The following PTPA variants were observed in gnomAD, a reference collection of about 807,000 sequenced individuals.
The protein encoded by PTPA is protein phosphatase 2 phosphatase activator, also known as serine/threonine-protein phosphatase 2A activator.
In PTPA, 13 loss-of-function variants were observed where a neutral mutation model predicts 43.6. The observed-to-expected ratio is 0.30, with a 90% CI of 0.19 to 0.47. PTPA has a LOEUF of 0.47. Ranked by LOEUF, PTPA falls within the 20% of genes least tolerant of loss-of-function variation. PTPA has a pLI of 0.99. For missense variants in PTPA, 329 were observed against 411.9 expected (o/e 0.80, Z 1.74); for synonymous variants, 172 against 158.2 (o/e 1.09, Z -0.66).
intron 5 of PTPA, among the ~76,000 whole-genome samples, chr9:129,132,091 GCT>G (rs1850016739): frequency 6.6e-6 from 1 of 152,110 alleles, no homozygotes; most frequent in Non-Finnish European, 1.5e-5. Flanking sequence ...CATTCTCTGT[GCT>G]ATTGGGCTGT....
At chr9:129,128,186 A>G (rs1849706513) in intron 3 of PTPA, 1 of 491,618 alleles carries the variant, frequency 2.0e-6, no homozygotes, top group African/African-American at 2.0e-5. Flanking sequence ...ATCCAGGCCC[A>G]CCATGCTAAA....
In PTPA at chr9:129,142,463, G is replaced by T. The variant is rs1850948729; in HGVS notation, c.805G>T (p.Ala269Ser). 1 of 1,592,392 alleles carries T rather than the reference G, an allele frequency of 6.3e-7. No individual in the cohort carries two copies. Residue 269 changes from alanine to serine, a missense_variant, in exon 9 of 10, where the codon GCA becomes TCA. Physicochemically the swap from Ala to Ser is moderately conservative, Grantham distance 99. Transcript: ENST00000393370. ...TTTTCAGATGAAGACTGGCCCATTTGCAGAGCACTCCAACCAGCTGTGGAA... is the reference window on the plus strand; with the variant it reads ...TTTTCAGATGAAGACTGGCCCATTTTCAGAGCACTCCAACCAGCTGTGGAA... ...FITEMKTGPFAEHSNQLWNIS... is the reference protein window; with the variant it reads ...FITEMKTGPFSEHSNQLWNIS...
intron 1 of PTPA, among the ~76,000 whole-genome samples, chr9:129,113,744 A>G (rs973800877): frequency 2.0e-5 from 3 of 152,018 alleles, no homozygotes; most frequent in Non-Finnish European, 4.4e-5. Context: ...CACTCCAGCC[A>G]CTGCACCCCA....
At chr9:129,143,432 G>C in intron 9 of PTPA, 2 of 702,934 alleles carry the variant, frequency 2.8e-6, no homozygotes, top group Non-Finnish European at 2.6e-6. Context: ...ACCATCTCTT[G>C]ACTCCTGGCC....
intron 6 of PTPA, 100 bp downstream of exon 6, chr9:129,134,994 C>T (rs1410276188): frequency 1.1e-6 from 1 of 948,966 alleles, no homozygotes; most frequent in East Asian, 2.4e-5. Flanking sequence ...TCCTGAGTAG[C>T]TCATGGTTCT....
At chr9:129,145,289 C>G (rs1398707502) in intron 9 of PTPA, among the ~76,000 whole-genome samples, 3 of 151,800 alleles carry the variant, frequency 2.0e-5, no homozygotes, top group Admixed American at 6.6e-5. Flanking sequence ...CGAGATCATG[C>G]CACTGCACTC....
At chr9:129,134,748 G>A (rs1455544917) in intron 5 of PTPA, 47 bp from the exon 6 acceptor site, 1 of 1,484,850 alleles carries the variant, frequency 6.7e-7, no homozygotes, top group South Asian at 1.2e-5. Context: ...AACAATCCCA[G>A]TCCTTTACCT....
At chr9:129,112,280 A>G (rs1363314473) in intron 1 of PTPA, among the ~76,000 whole-genome samples, 1 of 152,184 alleles carries the variant, frequency 6.6e-6, no homozygotes, top group African/African-American at 2.4e-5. Flanking sequence ...TTCATCTTAA[A>G]TAACTGGGAT....
At chr9:129,115,898 C>T (rs900010555) in intron 1 of PTPA, among the ~76,000 whole-genome samples, 1 of 152,040 alleles carries the variant, frequency 6.6e-6, no homozygotes, top group Non-Finnish European at 1.5e-5. Context: ...CAGCCTCCGT[C>T]TCCCAAAGTG....
At chr9:129,113,027 TACACTA>T (rs889398907) in intron 1 of PTPA, among the ~76,000 whole-genome samples, 8 of 150,026 alleles carry the variant, frequency 5.3e-5, no homozygotes, top group South Asian at 2.1e-4. Context: ...ACACATAAAA[TACACTA>T]ACACTAACGA....
chr9:129,112,098 G>GT (rs1716778683), intron 1 of PTPA: 1 of 161,990 alleles, frequency 6.2e-6, no homozygotes, highest in Non-Finnish European at 1.3e-5. Flanking sequence ...CGGCCTCCGC[G>GT]TCCTGCTCAC....
In PTPA at chr9:129,137,711, A is replaced by G. The variant is rs1850470061; in HGVS notation, c.786+19A>G. ...TACCGAGGTGAGGAGGAGGGGTGAGAGAGAAGCCCATGGCTGCCTCCAGGC... is the reference window on the plus strand; with the variant it reads ...TACCGAGGTGAGGAGGAGGGGTGAGGGAGAAGCCCATGGCTGCCTCCAGGC... On this transcript the variant is annotated intron_variant, in intron 8 of 9. Transcript: ENST00000393370. 1 of 1,564,132 alleles carries G rather than the reference A, an allele frequency of 6.4e-7. No homozygotes were observed.
At chr9:129,146,322 C>T (rs190376854) in intron 9 of PTPA, among the ~76,000 whole-genome samples, 5 of 152,328 alleles carry the variant, frequency 3.3e-5, no homozygotes, top group Non-Finnish European at 7.3e-5. Flanking sequence ...CCTTCTTTCC[C>T]TCCCCTCCTG....
At chr9:129,136,368 C>A in intron 6 of PTPA, 103 bp from the exon 7 acceptor site, 1 of 1,300,310 alleles carries the variant, frequency 7.7e-7, no homozygotes, top group Non-Finnish European at 1.1e-6. Flanking sequence ...AGTTAACACT[C>A]TTCAGTGGTT....
At chr9:129,142,322 TTGTGTGCGTGTGCGTTTGTG>T in intron 8 of PTPA, 103 bp from the exon 9 acceptor site, 1 of 856,772 alleles carries the variant, frequency 1.2e-6, no homozygotes, top group South Asian at 2.0e-5. Flanking sequence ...TGCGCGTGCA[TTGTGTGCGTGTGCGTTTGTG>T]TGTGTGTGTG....
chr9:129,129,172 T>C (rs1348004199), intron 4 of PTPA, 62 bp downstream of exon 4: 27 of 1,597,484 alleles, frequency 1.7e-5, no homozygotes, highest in South Asian at 5.5e-5. Flanking sequence ...CTGGCACCAG[T>C]TGGGGAAGGG....
intron 9 of PTPA, among the ~76,000 whole-genome samples, chr9:129,146,801 C>T (rs548668436): frequency 2.6e-5 from 4 of 152,210 alleles, no homozygotes; most frequent in Admixed American, 6.5e-5. Flanking sequence ...AGTCGGGCCT[C>T]CCCCGTGCTC....
intron 8 of PTPA, among the ~76,000 whole-genome samples, chr9:129,138,901 C>T (rs1262116303): frequency 6.6e-6 from 1 of 152,212 alleles, no homozygotes; most frequent in African/African-American, 2.4e-5. Flanking sequence ...CTGCCCTCAG[C>T]AGTGTGGCAG....
intron 7 of PTPA, among the ~76,000 whole-genome samples, chr9:129,137,071 T>C (rs1850420621): frequency 6.6e-6 from 1 of 152,220 alleles, no homozygotes; most frequent in Admixed American, 6.5e-5. Context: ...AGAGGCCTGC[T>C]CTGGTGACTC....
Sources: allele counts gnomAD v4.1 joint callset (sites outside exome capture counted in the v4.1 genomes callset), GRCh38; gene constraint gnomAD v4.1.1; transcripts MANE v1.5; gene names NCBI Gene and HGNC (gene_info 2026-07-23, HGNC 2026-07-21).